The following RABL6 variants were observed in gnomAD, a reference collection of about 807,000 sequenced individuals.
RABL6 encodes the protein rab-like protein 6.
Under a neutral mutation model 72.9 loss-of-function variants are expected in RABL6, and 28 were observed. The ratio of observed to expected loss-of-function variants is 0.38; its 90% CI spans 0.28 to 0.53. The LOEUF (loss-of-function observed/expected upper bound fraction) is 0.53. Ranked by LOEUF, RABL6 falls within the 20% of genes least tolerant of loss-of-function variation. The pLI is 0.80. For missense variants in RABL6, 1,029 were observed against 1,008.4 expected (o/e 1.02, Z -0.28); for synonymous variants, 477 against 421.2 (o/e 1.13, Z -1.62).
At position 136,831,702 on chromosome 9, in the gene RABL6, T is replaced by TC; in HGVS notation, c.459-17dup. Reference sequence around the variant, plus strand: ...GTCGCAGGGCTGAAACTAAGCCAGGTCCTCACCTGTTCTCCGAGGACCTTC... The same window carrying TC: ...GTCGCAGGGCTGAAACTAAGCCAGGTCCCTCACCTGTTCTCCGAGGACCTTC... On this transcript the variant is annotated intron_variant, in intron 5 of 14. Coordinates refer to ENST00000311502, the MANE Select transcript of RABL6 (RefSeq NM_024718.5). The TC allele has an allele frequency of 6.2e-7, 1 of 1,612,440 alleles. No individual in the cohort carries two copies. Among genetic ancestry groups the TC allele is most frequent in the Non-Finnish European group, 8.5e-7 (1 of 1,179,560 alleles).
chr9:136,840,007 T>C, intron 13 of RABL6, 142 bp downstream of exon 13: 3 of 1,477,410 alleles, frequency 2.0e-6, no homozygotes, highest in Non-Finnish European at 2.8e-6. Flanking sequence ...CTGCAGGAGC[T>C]GATGTTTGCA....
Position 136,840,339 on chromosome 9 carries a change from C to T in RABL6, c.2007C>T (p.Ala669=). Reference sequence around the variant, plus strand: ...CTCCTCAGGAAGAAGAAAAAGCTGCCAAGAAGAAGAGCAAACACAAGAAGA... The same window carrying T: ...CTCCTCAGGAAGAAGAAAAAGCTGCTAAGAAGAAGAGCAAACACAAGAAGA... ...KKGKEEEEKA[A]KKKSKHKKSK... Residue 669 remains alanine, a synonymous_variant, in exon 15 of 15, where the codon GCC becomes GCT. Transcript: ENST00000311502. 6.4e-7 allele frequency: 1 copy of T among 1,572,104 alleles called. No homozygotes were observed. The highest frequency in any genetic ancestry group is 1.7e-4 in the Middle Eastern group (1 of 6,018).
chr9:136,832,707 C>T, intron 7 of RABL6: 2 of 374,754 alleles, frequency 5.3e-6, no homozygotes, highest in South Asian at 4.5e-5. Context: ...TCATGGCTCA[C>T]TGCGGCCTCA....
intron 2 of RABL6, among the ~76,000 whole-genome samples, chr9:136,825,137 G>A (rs1034167147): frequency 1.3e-5 from 2 of 152,236 alleles, no homozygotes; most frequent in Non-Finnish European, 2.9e-5. Context: ...CAGCTGCGAT[G>A]GTGCGGTGTG....
chr9:136,832,382 C>T lies in RABL6; in HGVS notation c.705+12C>T. On this transcript the variant is annotated intron_variant, in intron 7 of 14. Transcript: ENST00000311502. ...TTTTGCAGCTTCAGGTAAGCACTCA[C>T]CACGTGGGGTGGAGTGGCTGCTGGT... 6.3e-7 allele frequency: 1 copy of T among 1,591,276 alleles called. No individual in the cohort carries two copies. Among genetic ancestry groups the T allele is most frequent in the Non-Finnish European group, 8.6e-7 (1 of 1,159,290 alleles).
Position 136,835,725 on chromosome 9 carries a change from G to C in RABL6, c.706-17G>C. On this transcript the variant is annotated splice_polypyrimidine_tract_variant and intron_variant, in intron 7 of 14. Transcript: ENST00000311502. The stretch of plus-strand genomic sequence containing the variant: ...AGGAAGGAGCCCTGCTCAGGCCTGC[G>C]TGCTCCCTTTCTGCAGAGGGAGACG... 1 of 1,546,080 alleles carries C rather than the reference G, an allele frequency of 6.5e-7. No homozygotes were observed. The highest frequency in any genetic ancestry group is 8.7e-7 in the Non-Finnish European group (1 of 1,144,738).
chr9:136,808,643 A>G (rs1039356440), intron 1 of RABL6: 4 of 158,482 alleles, frequency 2.5e-5, no homozygotes, highest in Non-Finnish European at 5.5e-5. Context: ...CCCGGGGGTG[A>G]TTACATAATG....
chr9:136,832,688 G>A (rs980333717), intron 7 of RABL6: 3 of 394,228 alleles, frequency 7.6e-6, no homozygotes, highest in Non-Finnish European at 9.7e-6. Flanking sequence ...CTGGAGTGCA[G>A]TGGCGCAATC....
chr9:136,840,973 G>C lies in RABL6; in HGVS notation c.*451G>C. 1 of 1,453,152 alleles carries C rather than the reference G, an allele frequency of 6.9e-7. No homozygotes were observed. The highest frequency in any genetic ancestry group is 9.1e-7 in the Non-Finnish European group (1 of 1,099,528). The allele number at this position is 1,453,152 out of a possible 1,614,324, so 90.0% of individuals were successfully genotyped here. A position where few individuals can be genotyped will look rare whatever the true frequency, so the allele number is the denominator to read the frequency against. ...GCTTCCGGCCGGGAGCCCTGAACAC[G>C]GGTGTGCAGACTCACCCTAAAGGGC... On this transcript the variant is annotated 3_prime_UTR_variant, in exon 15 of 15. Coordinates refer to ENST00000311502, the MANE Select transcript of RABL6 (RefSeq NM_024718.5).
intron 5 of RABL6, among the ~76,000 whole-genome samples, chr9:136,830,510 C>G (rs1023120722): frequency 6.6e-6 from 1 of 152,396 alleles, no homozygotes; most frequent in Middle Eastern, 3.4e-3. Context: ...CCCCAGGGCA[C>G]GAGTTCAGCT....
At chr9:136,819,472 C>T (rs1230303081) in intron 1 of RABL6, among the ~76,000 whole-genome samples, 1 of 152,132 alleles carries the variant, frequency 6.6e-6, no homozygotes, top group Non-Finnish European at 1.5e-5. Context: ...AACTCACCAG[C>T]TCGAAAGAAT....
rs1848602750 is a variant in RABL6, at chr9:136,837,412, C to A, written c.876C>A (p.Ser292Arg). Residue 292 changes from serine (S) to arginine (R), a missense_variant, in exon 9 of 15, where the codon AGC becomes AGA. This residue lies in a region of RABL6 where 434 missense variants were observed against 536.1 expected (regional missense o/e 0.81). Coordinates refer to ENST00000311502, the MANE Select transcript of RABL6 (RefSeq NM_024718.5). ...CCCCACTGGCGGCCAACGGGCAGAG[C>A]CCATCCCCGGGCTCCCAGTCACCAG... Reference protein sequence around the residue: ...HASPLAANGQSPSPGSQSPVV... With the variant: ...HASPLAANGQRPSPGSQSPVV... The A allele has an allele frequency of 6.3e-7, 1 of 1,589,386 alleles. No individual in the cohort carries two copies. Among genetic ancestry groups the A allele is most frequent in the Admixed American group, 1.8e-5 (1 of 56,658 alleles).
At chr9:136,823,748 G>T (rs1009387794) in intron 2 of RABL6, 89 bp downstream of exon 2, 4 of 1,441,818 alleles carry the variant, frequency 2.8e-6, no homozygotes, top group Admixed American at 5.0e-5. Flanking sequence ...CCCAGAGGGG[G>T]TCTCCCCGAA....
In RABL6 at chr9:136,808,237, C is replaced by T; in HGVS notation, c.41C>T (p.Ala14Val). The change falls in exon 1 of 15, where the codon GCC becomes GTC. Residue 14 changes from alanine (A) to valine (V), a missense_variant. Around this residue, in one of 2 missense-constraint regions of RABL6, gnomAD observed 434 missense variants for 536.1 expected, o/e 0.81. Coordinates refer to ENST00000311502, the MANE Select transcript of RABL6 (RefSeq NM_024718.5). ...AAGAAGCTGGTGGGGTCGGACCAGGCCCCGGGCCGGGACAAGAACATCCCC... is the reference window on the plus strand; with the variant it reads ...AAGAAGCTGGTGGGGTCGGACCAGGTCCCGGGCCGGGACAAGAACATCCCC... The part of the protein sequence containing the change: ...ALKKLVGSDQ[A>V]PGRDKNIPAG... 1 of 1,562,516 alleles carries T rather than the reference C, an allele frequency of 6.4e-7. No homozygotes were observed. Among genetic ancestry groups the T allele is most frequent in the Non-Finnish European group, 8.6e-7 (1 of 1,156,098 alleles).
intron 8 of RABL6, 75 bp from the exon 9 acceptor site, chr9:136,837,271 G>GC: frequency 6.9e-7 from 1 of 1,458,590 alleles, no homozygotes; most frequent in Non-Finnish European, 9.4e-7. Flanking sequence ...AGCAGCAGCA[G>GC]AGAGCCCCCT....
At chr9:136,810,142 T>G (rs993263644) in intron 1 of RABL6, 103 of 152,264 alleles carry the variant, frequency 6.8e-4, no homozygotes, top group African/African-American at 2.4e-3. Flanking sequence ...GTTTGGATCC[T>G]TTATTTAATT....
chr9:136,841,130 G>C lies in RABL6; in HGVS notation c.*608G>C. ...TCAGGTGAGCCCGAAGGCAGGAGCC[G>C]GGAGGCACTCCTCCCAAACACTCCA... On this transcript the variant is annotated 3_prime_UTR_variant, in exon 15 of 15. Coordinates refer to ENST00000311502, the MANE Select transcript of RABL6 (RefSeq NM_024718.5). 8.8e-7 allele frequency: 1 copy of C among 1,135,406 alleles called. No homozygotes were observed. Among genetic ancestry groups the C allele is most frequent in the Non-Finnish European group, 1.2e-6 (1 of 852,334 alleles). The allele number at this position is 1,135,406 out of a possible 1,614,324, so 70.3% of individuals were successfully genotyped here. A position where few individuals can be genotyped will look rare whatever the true frequency, so the allele number is the denominator to read the frequency against.
intron 7 of RABL6, chr9:136,834,423 TTCTC>T (rs1210664389): frequency 2.0e-6 from 2 of 986,308 alleles, no homozygotes; most frequent in African/African-American, 3.5e-5. Context: ...GTCTGTAGAT[TTCTC>T]TTTGTAAATC....
At chr9:136,823,079 C>T (rs2131176387) in intron 1 of RABL6, among the ~76,000 whole-genome samples, 1 of 109,778 alleles carries the variant, frequency 9.1e-6, no homozygotes, top group South Asian at 3.4e-4. Context: ...AAAAGCGAGA[C>T]TCCGTCTCAA....
Sources: allele counts gnomAD v4.1 joint callset (sites outside exome capture counted in the v4.1 genomes callset), GRCh38; gene constraint gnomAD v4.1.1; regional missense constraint gnomAD v4.1.1; transcripts MANE v1.5; gene names NCBI Gene and HGNC (gene_info 2026-07-23, HGNC 2026-07-21).